Variants in CTCF observed in about 807,000 individuals in gnomAD.
CTCF encodes CCCTC-binding factor, also known as transcriptional repressor CTCF.
In CTCF, 7 loss-of-function variants were observed where a neutral mutation model predicts 72.3. The observed-to-expected ratio is 0.10, with a 90% CI of 0.06 to 0.18. The LOEUF (loss-of-function observed/expected upper bound fraction) is 0.18. Ranked by LOEUF, CTCF falls within the 10% of genes least tolerant of loss-of-function variation. The pLI is 1.00. For missense variants in CTCF, 516 were observed against 949.1 expected (o/e 0.54, Z 6.00); for synonymous variants, 374 against 315.8 (o/e 1.18, Z -1.95).
chr16:67,573,579 A>G (rs543233491), intron 2 of CTCF, among the ~76,000 whole-genome samples: 1 of 152,342 alleles, frequency 6.6e-6, no homozygotes, highest in South Asian at 2.1e-4. Flanking sequence ...CTCTCTGTAT[A>G]GGTTCTATAG....
intron 10 of CTCF, among the ~76,000 whole-genome samples, chr16:67,634,996 C>G (rs1597731690): frequency 6.6e-6 from 1 of 151,760 alleles, no homozygotes; most frequent in East Asian, 1.9e-4. Context: ...AGTCACTGCG[C>G]TGGGTAAATT....
intron 2 of CTCF, among the ~76,000 whole-genome samples, chr16:67,584,183 A>G (rs532283718): frequency 6.6e-6 from 1 of 151,810 alleles, no homozygotes; most frequent in East Asian, 2.0e-4. Context: ...CTAGCTGGGC[A>G]TGGTGGTGGG....
intron 2 of CTCF, among the ~76,000 whole-genome samples, chr16:67,584,334 C>CGTCT (rs1567596519): frequency 1.6e-5 from 2 of 121,928 alleles, no homozygotes; most frequent in African/African-American, 7.3e-5. Context: ...AAAAAAAAGT[C>CGTCT]TTCTTTTTTT....
intron 6 of CTCF, 93 bp downstream of exon 6, chr16:67,620,910 A>G: frequency 9.6e-7 from 1 of 1,040,354 alleles, no homozygotes; most frequent in South Asian, 2.6e-5. Flanking sequence ...CATTGTTTAT[A>G]TGAATGAAGA....
intron 10 of CTCF, among the ~76,000 whole-genome samples, chr16:67,630,630 C>T (rs960070811): frequency 3.3e-5 from 5 of 151,930 alleles, no homozygotes; most frequent in South Asian, 2.1e-4. Flanking sequence ...TGGTACATGC[C>T]GATAGTCCCA....
chr16:67,624,137 GTGTGTGTGTATA>G (rs1567614152), intron 7 of CTCF, among the ~76,000 whole-genome samples: 1 of 132,960 alleles, frequency 7.5e-6, no homozygotes, highest in Non-Finnish European at 1.5e-5. Flanking sequence ...ATATATATGT[GTGTGTGTGTATA>G]TATGTGTGTA....
intron 7 of CTCF, among the ~76,000 whole-genome samples, chr16:67,622,363 A>G (rs911511262): frequency 1.3e-5 from 2 of 151,982 alleles, no homozygotes; most frequent in Non-Finnish European, 2.9e-5. Flanking sequence ...CTCAAAAAAA[A>G]AAAAGGTAAC....
chr16:67,577,815 G>A (rs2051520078), intron 2 of CTCF, among the ~76,000 whole-genome samples: 1 of 152,150 alleles, frequency 6.6e-6, no homozygotes, highest in Non-Finnish European at 1.5e-5. Flanking sequence ...CAGGAGGAGA[G>A]TAAGGCAGGA....
intron 2 of CTCF, among the ~76,000 whole-genome samples, chr16:67,600,220 T>G (rs1292898174): frequency 6.6e-6 from 1 of 151,984 alleles, no homozygotes; most frequent in African/African-American, 2.4e-5. Flanking sequence ...GGACAGATAT[T>G]TAAATTTATT....
Position 67,626,550 on chromosome 16 carries a change from T to A in CTCF, c.1358-5T>A. The A allele has an allele frequency of 6.8e-7, 1 of 1,470,866 alleles. No individual in the cohort carries two copies. Among genetic ancestry groups the A allele is most frequent in the East Asian group, 2.4e-5 (1 of 40,904 alleles). 91.1% of individuals were successfully genotyped at this position (1,470,866 alleles called of 1,614,324 possible). Reference sequence around the variant, plus strand: ...ATTACCCTGGGCTTTTTACTGTGCTTTCAGGTGTCCACTTGCGAAAGCAGC... The same window carrying A: ...ATTACCCTGGGCTTTTTACTGTGCTATCAGGTGTCCACTTGCGAAAGCAGC... On this transcript the variant is annotated splice_region_variant and splice_polypyrimidine_tract_variant and intron_variant, in intron 7 of 11. Coordinates refer to ENST00000264010, the MANE Select transcript of CTCF (RefSeq NM_006565.4).
At chr16:67,611,802 G>C in intron 3 of CTCF, 149 bp from the exon 4 acceptor site, 1 of 916,068 alleles carries the variant, frequency 1.1e-6, no homozygotes, top group Non-Finnish European at 1.7e-6. Context: ...CAAAGAAGAA[G>C]GAAATGTATT....
At chr16:67,594,629 G>T (rs914146248) in intron 2 of CTCF, among the ~76,000 whole-genome samples, 2 of 152,036 alleles carry the variant, frequency 1.3e-5, no homozygotes, top group African/African-American at 4.8e-5. Flanking sequence ...GAGCAATAAA[G>T]GTAAATTCGT....
chr16:67,590,379 G>A (rs1258815886), intron 2 of CTCF, among the ~76,000 whole-genome samples: 1 of 151,926 alleles, frequency 6.6e-6, no homozygotes, highest in Non-Finnish European at 1.5e-5. Flanking sequence ...AATGGGAGGG[G>A]AGATTGTTAA....
chr16:67,602,916 C>G (rs1279286967), intron 2 of CTCF, among the ~76,000 whole-genome samples: 1 of 150,692 alleles, frequency 6.6e-6, no homozygotes, highest in Non-Finnish European at 1.5e-5. Flanking sequence ...ATTGCAAAAT[C>G]TAATTCTGTG....
chr16:67,620,583 C>T, intron 5 of CTCF, 114 bp from the exon 6 acceptor site: 2 of 780,320 alleles, frequency 2.6e-6, no homozygotes, highest in Non-Finnish European at 3.9e-6. Flanking sequence ...ATCTTTTAGA[C>T]TTCTGTATTC....
At chr16:67,574,158 G>T (rs1376779046) in intron 2 of CTCF, among the ~76,000 whole-genome samples, 1 of 152,044 alleles carries the variant, frequency 6.6e-6, no homozygotes, top group East Asian at 1.9e-4. Context: ...ACACGTTTAG[G>T]GTTCAGTCCC....
intron 2 of CTCF, among the ~76,000 whole-genome samples, chr16:67,574,491 AC>A (rs2051468184): frequency 1.3e-5 from 2 of 150,612 alleles, no homozygotes; most frequent in African/African-American, 4.9e-5. Flanking sequence ...ACAGGCGTTC[AC>A]CCCCACGCCT....
chr16:67,638,052 G>C lies in CTCF; in HGVS notation c.*180G>C. ...AAATGTGATTTAACTAGAACTTGCT[G>C]TCTGATGTTAGCAAATCATGGAATG... On this transcript the variant is annotated 3_prime_UTR_variant, in exon 12 of 12. Transcript: ENST00000264010. The C allele has an allele frequency of 6.8e-6, 4 of 588,674 alleles. No individual in the cohort carries two copies. Among genetic ancestry groups the C allele is most frequent in the Admixed American group, 6.0e-5 (2 of 33,096 alleles). 36.5% of individuals were successfully genotyped at this position (588,674 alleles called of 1,614,324 possible). A position where few individuals can be genotyped will look rare whatever the true frequency, so the allele number is the denominator to read the frequency against.
chr16:67,634,481 TA>T (rs1381976379), intron 10 of CTCF, among the ~76,000 whole-genome samples: 1 of 151,162 alleles, frequency 6.6e-6, no homozygotes, highest in Non-Finnish European at 1.5e-5. Flanking sequence ...GTGCTGGGAT[TA>T]CAGGCGTGAG....
Sources: allele counts gnomAD v4.1 joint callset (sites outside exome capture counted in the v4.1 genomes callset), GRCh38; gene constraint gnomAD v4.1.1; transcripts MANE v1.5; gene names NCBI Gene and HGNC (gene_info 2026-07-23, HGNC 2026-07-21).